The following TXNL4A variants were observed in gnomAD, a reference collection of about 807,000 sequenced individuals.
TXNL4A encodes thioredoxin-like protein 4A.
A neutral mutation model predicts 14.6 loss-of-function variants in TXNL4A; 17 were observed. That is an observed-to-expected ratio of 1.16 (90% CI 0.80 to 1.74). The LOEUF (loss-of-function observed/expected upper bound fraction) is 1.74, where lower values mean the gene tolerates loss of function less well. Ranked by LOEUF, TXNL4A falls within the 40% of genes most tolerant of loss-of-function variation. The pLI is 0.00. For synonymous variants in TXNL4A, 83 were observed against 70.6 expected, an observed-to-expected ratio of 1.18 and a Z score of -0.88; for missense variants, 74 against 195.2, an observed-to-expected ratio of 0.38 and a Z score of 3.70.
intron 1 of TXNL4A, among the ~76,000 whole-genome samples, chr18:79,994,406 T>G (rs1280267805): frequency 6.6e-6 from 1 of 152,060 alleles, no homozygotes; most frequent in East Asian, 1.9e-4. Context: ...AATCGAGAAC[T>G]CTCTAATCAT....
At chr18:80,021,087 A>AT (rs1344501304) in intron 1 of TXNL4A, among the ~76,000 whole-genome samples, 3 of 152,106 alleles carry the variant, frequency 2.0e-5, no homozygotes, top group Admixed American at 1.3e-4. Flanking sequence ...ACTCAGAGAG[A>AT]TTTTTTGATA....
At chr18:79,995,020 A>G (rs2051651702) in intron 1 of TXNL4A, 1 of 152,226 alleles carries the variant, frequency 6.6e-6, no homozygotes, top group Non-Finnish European at 1.5e-5. Flanking sequence ...GACTCCTCTC[A>G]TGATCAACCC....
At chr18:80,033,746 C>G (rs894610605) in intron 1 of TXNL4A, 2 of 153,762 alleles carry the variant, frequency 1.3e-5, no homozygotes, top group African/African-American at 4.8e-5. Context: ...GCACACCCTC[C>G]GCGCAGCCCA....
chr18:80,017,346 C>G (rs2051818448), intron 1 of TXNL4A, among the ~76,000 whole-genome samples: 2 of 152,022 alleles, frequency 1.3e-5, no homozygotes, highest in South Asian at 2.1e-4. Context: ...TAATTGAATA[C>G]CCTTTATTTC....
At chr18:80,016,700 C>A (rs1210096816) in intron 1 of TXNL4A, among the ~76,000 whole-genome samples, 1 of 151,952 alleles carries the variant, frequency 6.6e-6, no homozygotes, top group Non-Finnish European at 1.5e-5. Context: ...TCTGAGGGCT[C>A]TGTTCTGTTC....
At chr18:80,012,887 A>G (rs974383645) in intron 1 of TXNL4A, among the ~76,000 whole-genome samples, 3 of 151,580 alleles carry the variant, frequency 2.0e-5, no homozygotes, top group Non-Finnish European at 4.4e-5. Context: ...CTCCTGGGAA[A>G]CGGGGTGAGG....
At chr18:80,021,820 C>T (rs567697732) in intron 1 of TXNL4A, among the ~76,000 whole-genome samples, 33 of 152,154 alleles carry the variant, frequency 2.2e-4, no homozygotes, top group East Asian at 7.7e-4. Flanking sequence ...CTTTTGGTTA[C>T]GGAAGAAGGT....
rs2051479349 is a variant in TXNL4A, at chr18:79,982,504, G to C, written c.154-4803C>G. Among the ~76,000 whole-genome samples, 1 of 152,270 alleles carries C rather than the reference G, an allele frequency of 6.6e-6. No individual in the cohort carries two copies. The highest frequency in any genetic ancestry group is 1.5e-5 in the Non-Finnish European group (1 of 68,034). On this transcript the variant is annotated intron_variant, in intron 1 of 2. Transcript: ENST00000269601. The surrounding 1 kb of genome is among the most constrained non-coding windows in gnomAD (Gnocchi z 4.0). ...GCCAGGGTGGCAGGTGCCAGGCTTG[G>C]GAGTGAGTGCAGAAGCCCACTGTAG...
chr18:80,033,481 C>A (rs544550630), intron 1 of TXNL4A, among the ~76,000 whole-genome samples: 2 of 152,352 alleles, frequency 1.3e-5, no homozygotes, highest in East Asian at 3.9e-4. Flanking sequence ...GGGGAGGACG[C>A]CCAATCTGGG....
At chr18:79,983,281 T>G (rs1180900968) in intron 1 of TXNL4A, among the ~76,000 whole-genome samples, 1 of 152,206 alleles carries the variant, frequency 6.6e-6, no homozygotes, top group East Asian at 1.9e-4. Flanking sequence ...AATTACAGGT[T>G]TAAGCCACGG....
At chr18:80,024,034 G>T (rs1274788502) in intron 1 of TXNL4A, among the ~76,000 whole-genome samples, 1 of 152,196 alleles carries the variant, frequency 6.6e-6, no homozygotes, top group Admixed American at 6.5e-5. Flanking sequence ...AGCCTGGCCT[G>T]GGGCAGTTTG....
intron 1 of TXNL4A, among the ~76,000 whole-genome samples, chr18:79,978,524 G>A (rs2051413972): frequency 6.6e-6 from 1 of 152,116 alleles, no homozygotes; most frequent in African/African-American, 2.4e-5. Context: ...GACAGGATCT[G>A]GTTCTGCTGC....
intron 1 of TXNL4A, among the ~76,000 whole-genome samples, chr18:79,980,586 T>G (rs917793564): frequency 5.3e-5 from 8 of 151,728 alleles, no homozygotes; most frequent in Admixed American, 2.0e-4. Flanking sequence ...AAGATGGAAA[T>G]GTAAACCATG....
chr18:80,007,664 C>A (rs1285964808), intron 1 of TXNL4A, among the ~76,000 whole-genome samples: 1 of 151,850 alleles, frequency 6.6e-6, no homozygotes, highest in Admixed American at 6.6e-5. Context: ...CTCTCTCTTC[C>A]CTCACCCTCA....
intron 1 of TXNL4A, among the ~76,000 whole-genome samples, chr18:80,027,120 T>C (rs906401521): frequency 6.6e-6 from 1 of 152,090 alleles, no homozygotes; most frequent in African/African-American, 2.4e-5. Flanking sequence ...AATACAGATA[T>C]AGGGAAAATA....
intron 1 of TXNL4A, among the ~76,000 whole-genome samples, chr18:79,994,378 C>T (rs1003965385): frequency 1.3e-5 from 2 of 152,054 alleles, no homozygotes; most frequent in East Asian, 3.9e-4. Flanking sequence ...TACAGGAAGC[C>T]GACAACTTAG....
In TXNL4A at chr18:79,973,670, C is replaced by T. The variant is rs374589193; in HGVS notation, c.*15G>A. ...AAGGGCTCCACGACATTTATCCGCG[C>T]AGACTGAGGGCGCCTCAGTAGCGGT... is the stretch of plus-strand genomic sequence containing the variant. On this transcript the variant is annotated 3_prime_UTR_variant, in exon 3 of 3. Transcript: ENST00000269601. The T allele has an allele frequency of 6.2e-6, 10 of 1,602,016 alleles. No individual in the cohort carries two copies. In the African/African-American group the frequency reaches 1.1e-4, roughly 17 times the overall value.
At chr18:80,013,393 T>C (rs144735456) in intron 1 of TXNL4A, among the ~76,000 whole-genome samples, 18,636 of 151,870 alleles carry the variant, frequency 0.12, 1,978 homozygotes, top group East Asian at 0.43. Context: ...AGTGCTGGGA[T>C]TACAGGCGTG....
chr18:79,973,938 C>G (rs2051339855), intron 2 of TXNL4A, 82 bp from the exon 3 acceptor site: 1 of 1,556,110 alleles, frequency 6.4e-7, no homozygotes, highest in Admixed American at 1.8e-5. Flanking sequence ...GTATTTTTCC[C>G]ACTGTGACAA....
Sources: allele counts gnomAD v4.1 joint callset (sites outside exome capture counted in the v4.1 genomes callset), GRCh38; gene constraint gnomAD v4.1.1; non-coding constraint Gnocchi (gnomAD v3.1); transcripts MANE v1.5; gene names NCBI Gene and HGNC (gene_info 2026-07-23, HGNC 2026-07-21).